THAP9: variants seen among roughly 807,000 people sequenced by gnomAD.
The protein encoded by THAP9 is THAP domain containing 9.
THAP9 carries 20 observed loss-of-function variants against 35.7 expected under a neutral mutation model. That is an observed-to-expected ratio of 0.56 (90% CI 0.39 to 0.81). The LOEUF is 0.81. THAP9 is among the 40% of genes least tolerant of loss of function. THAP9 has a pLI of 0.00. For missense variants in THAP9, 870 were observed against 1,047.4 expected, an observed-to-expected ratio of 0.83 and a Z score of 2.34; for synonymous variants, 335 against 373.7, an observed-to-expected ratio of 0.90 and a Z score of 1.19.
chr4:82,905,607 T>C (rs754003080), intron 2 of THAP9, among the ~76,000 whole-genome samples: 2 of 152,292 alleles, frequency 1.3e-5, no homozygotes, highest in South Asian at 2.1e-4. Flanking sequence ...TGGTGTCAAA[T>C]TCAAACTCAC....
chr4:82,908,591 T>C (rs1036056657), intron 4 of THAP9, among the ~76,000 whole-genome samples: 1 of 152,216 alleles, frequency 6.6e-6, no homozygotes. Flanking sequence ...TTTTACAGAT[T>C]CCTTTTTTTG....
At chr4:82,912,639 CA>C (rs1299491265) in intron 4 of THAP9, among the ~76,000 whole-genome samples, 3 of 152,168 alleles carry the variant, frequency 2.0e-5, no homozygotes, top group Non-Finnish European at 4.4e-5. Context: ...ATATGAATTG[CA>C]CAATTATGTG....
chr4:82,905,509 T>G (rs893179539), intron 2 of THAP9, among the ~76,000 whole-genome samples: 2 of 147,178 alleles, frequency 1.4e-5, no homozygotes, highest in Non-Finnish European at 3.0e-5. Flanking sequence ...ACTGTTCTAT[T>G]CTGACACTAG....
chr4:82,918,199 A>G lies in THAP9; in HGVS notation c.1987A>G (p.Ile663Val), dbSNP rs140616270. The G allele has an allele frequency of 4.2e-4, 672 of 1,614,196 alleles. 1 individual carries two copies. Among genetic ancestry groups the G allele is most frequent in the African/African-American group, 3.8e-3 (286 of 75,068 alleles). Reference sequence around the variant, plus strand: ...CAAAGTAAGCATCTTTGACATTTCAATTGCTCGAAGGAAAGACTTGGCGCT... The same window carrying G: ...CAAAGTAAGCATCTTTGACATTTCAGTTGCTCGAAGGAAAGACTTGGCGCT... ...LSKVSIFDIS[I>V]ARRKDLALWT... The change falls in exon 5 of 5, where the codon ATT becomes GTT. Residue 663 changes from isoleucine (I) to valine (V), a missense_variant. This residue lies in a region of THAP9 where 414 missense variants were observed against 500.8 expected (regional missense o/e 0.83). Transcript: ENST00000302236.
intron 3 of THAP9, 25 bp from the exon 4 acceptor site, chr4:82,907,760 A>C: frequency 6.5e-7 from 1 of 1,543,440 alleles, no homozygotes; most frequent in South Asian, 1.2e-5. Context: ...TTCATCACAA[A>C]GAATAAAAAA....
chr4:82,903,770 G>A (rs1720523061), intron 1 of THAP9, among the ~76,000 whole-genome samples: 1 of 152,072 alleles, frequency 6.6e-6, no homozygotes, highest in South Asian at 2.1e-4. Context: ...TCATAAGATT[G>A]CACTCATCTG....
chr4:82,902,399 A>C (rs1057316025), intron 1 of THAP9, among the ~76,000 whole-genome samples: 1 of 152,026 alleles, frequency 6.6e-6, no homozygotes, highest in African/African-American at 2.4e-5. Flanking sequence ...ATAGGAAATA[A>C]TTGTTCAATA....
chr4:82,905,826 CA>C (rs1455615245), intron 2 of THAP9: 1 of 455,074 alleles, frequency 2.2e-6, no homozygotes, highest in Non-Finnish European at 4.4e-6. Context: ...ATTGTATCTT[CA>C]AAAGAATCCT....
chr4:82,901,833 T>C, intron 1 of THAP9, among the ~76,000 whole-genome samples: 1 of 152,096 alleles, frequency 6.6e-6, no homozygotes, highest in East Asian at 1.9e-4. Context: ...TTTCTTGTGA[T>C]AGAGGTAGTT....
At chr4:82,909,814 C>T (rs1017398054) in intron 4 of THAP9, among the ~76,000 whole-genome samples, 4 of 152,016 alleles carry the variant, frequency 2.6e-5, no homozygotes, top group Admixed American at 1.3e-4. Context: ...GATAATTTCT[C>T]CTCCTATACC....
At position 82,914,158 on chromosome 4, in the gene THAP9, T is replaced by A. The variant is rs569821749; in HGVS notation, c.732-2786T>A. 9.8e-5 allele frequency among the ~76,000 whole-genome samples: 15 copies of A among 152,348 alleles called. 2 individuals are homozygous for A. The South Asian group carries it at 3.1e-3, about 32-fold the overall frequency. Reference sequence around the variant, plus strand: ...ATCCATGTTGCTGCAAAAGACATGATCTCATTCTTTTTTATGGCTACATAG... The same window carrying A: ...ATCCATGTTGCTGCAAAAGACATGAACTCATTCTTTTTTATGGCTACATAG... On this transcript the variant is annotated intron_variant, in intron 4 of 4. Transcript: ENST00000302236.
intron 4 of THAP9, among the ~76,000 whole-genome samples, chr4:82,909,222 A>G (rs1578449619): frequency 1.3e-5 from 2 of 152,250 alleles, no homozygotes; most frequent in East Asian, 3.9e-4. Context: ...CTTTATAAAA[A>G]ATTATAGATT....
At chr4:82,912,292 T>G (rs1370018036) in intron 4 of THAP9, among the ~76,000 whole-genome samples, 1 of 152,172 alleles carries the variant, frequency 6.6e-6, no homozygotes, top group African/African-American at 2.4e-5. Flanking sequence ...TGCTCTTTAT[T>G]TATATTTCCT....
rs1560700732 is a variant in THAP9, at chr4:82,918,619, ATAT to A, written c.2411_2413del (p.Leu804del). The A allele has an allele frequency of 1.9e-6, 3 of 1,614,114 alleles. No individual in the cohort carries two copies. Among genetic ancestry groups the A allele is most frequent in the South Asian group, 1.1e-5 (1 of 91,076 alleles). The stretch of plus-strand genomic sequence containing the variant: ...AAGGGAATTGTATCTTCAACAGAAA[ATAT>A]TATGTGAGCTTTCTGGGCATATTAA... On this transcript the variant is annotated inframe_deletion, in exon 5 of 5. Transcript: ENST00000302236.
intron 1 of THAP9, chr4:82,903,656 C>G (rs951009000): frequency 6.6e-6 from 1 of 152,590 alleles, no homozygotes; most frequent in African/African-American, 2.4e-5. Flanking sequence ...GTCTTGTTTT[C>G]TACTGCTGCA....
At chr4:82,915,458 T>C (rs1042485562) in intron 4 of THAP9, among the ~76,000 whole-genome samples, 1 of 152,068 alleles carries the variant, frequency 6.6e-6, no homozygotes, top group Non-Finnish European at 1.5e-5. Flanking sequence ...GGTTTCACCA[T>C]GTTGGCCAGG....
intron 2 of THAP9, 114 bp from the exon 3 acceptor site, chr4:82,906,209 TC>T: frequency 1.2e-6 from 1 of 856,572 alleles, no homozygotes. Flanking sequence ...ACCTTTTCTT[TC>T]CTAACTAACT....
chr4:82,916,913 T>G, intron 4 of THAP9, 31 bp from the exon 5 acceptor site: 1 of 1,480,986 alleles, frequency 6.8e-7, no homozygotes, highest in East Asian at 2.3e-5. Flanking sequence ...TATTTCTCTT[T>G]GAGTGTTCTT....
At chr4:82,906,655 T>A in intron 3 of THAP9, 28 bp downstream of exon 3, 1 of 1,522,898 alleles carries the variant, frequency 6.6e-7, no homozygotes, top group South Asian at 1.3e-5. Flanking sequence ...CCTGTAGTAT[T>A]TACAAAAATA....
Sources: gnomAD v4.1 joint callset for allele counts (sites outside exome capture counted in the v4.1 genomes callset) on GRCh38, gnomAD v4.1.1 for gene constraint, gnomAD v4.1.1 regional missense constraint, MANE v1.5 for transcripts, NCBI Gene and HGNC (gene_info 2026-07-23, HGNC 2026-07-21) for gene names.